ZNF827: variants seen among roughly 807,000 people sequenced by gnomAD.
ZNF827 encodes the protein zinc finger protein 827.
Under a neutral mutation model 102.4 loss-of-function variants are expected in ZNF827, and 13 were observed. That is an observed-to-expected ratio of 0.13 (90% CI 0.08 to 0.20). ZNF827 has a LOEUF of 0.20. ZNF827 is among the 10% of genes least tolerant of loss of function. The pLI is 1.00. For synonymous variants in ZNF827, 523 were observed against 536.2 expected (o/e 0.98, Z 0.34); for missense variants, 1,103 against 1,344.4 (o/e 0.82, Z 2.81).
At chr4:145,937,554 C>T (rs1407766643) in intron 1 of ZNF827, among the ~76,000 whole-genome samples, 2 of 146,972 alleles carry the variant, frequency 1.4e-5, no homozygotes, top group Non-Finnish European at 3.0e-5. Context: ...CCTCGCCCCC[C>T]GCCCGGCCGC....
intron 3 of ZNF827, 86 bp downstream of exon 3, chr4:145,892,157 G>A (rs528482203): frequency 1.1e-5 from 15 of 1,360,870 alleles, no homozygotes; most frequent in African/African-American, 8.8e-5. Context: ...GCCCTCCCTC[G>A]GCCAAGAAGC....
chr4:145,771,161 T>C (rs548842952), intron 11 of ZNF827: 22 of 152,368 alleles, frequency 1.4e-4, no homozygotes, highest in African/African-American at 5.0e-4. Context: ...GTAGTAAATA[T>C]ATTAACCTTT....
At chr4:145,868,467 C>T (rs1300451590) in intron 5 of ZNF827, among the ~76,000 whole-genome samples, 1 of 152,232 alleles carries the variant, frequency 6.6e-6, no homozygotes, top group African/African-American at 2.4e-5. Context: ...ATCCATTCAA[C>T]TATTGCTGAA....
chr4:145,850,645 G>C (rs954273119), intron 5 of ZNF827, among the ~76,000 whole-genome samples: 1 of 152,166 alleles, frequency 6.6e-6, no homozygotes, highest in East Asian at 1.9e-4. Flanking sequence ...TTGAAACAAG[G>C]TGGGACAATT....
In ZNF827 at chr4:145,938,499, G is replaced by A; in HGVS notation, c.-92C>T. 1.0e-6 allele frequency: 1 copy of A among 996,782 alleles called. No individual in the cohort carries two copies. The highest frequency in any genetic ancestry group is 1.5e-6 in the Non-Finnish European group (1 of 675,836). 61.7% of individuals were successfully genotyped at this position (996,782 alleles called of 1,614,324 possible). ...AGAGGCAGACACTGGCAGGAGCGGG[G>A]AGGTAGTTGGGGGGCGGGCGGGCGG... is the stretch of plus-strand genomic sequence containing the variant. On this transcript the variant is annotated 5_prime_UTR_variant, in exon 1 of 15. Transcript: ENST00000508784.
intron 4 of ZNF827, among the ~76,000 whole-genome samples, chr4:145,876,179 G>C (rs1311882436): frequency 6.6e-6 from 1 of 152,148 alleles, no homozygotes; most frequent in Non-Finnish European, 1.5e-5. Flanking sequence ...AGTCCTACTA[G>C]AGCCTATAAA....
intron 3 of ZNF827, among the ~76,000 whole-genome samples, chr4:145,888,677 C>T (rs571795442): frequency 1.3e-5 from 2 of 152,364 alleles, no homozygotes; most frequent in East Asian, 3.9e-4. Context: ...AGTACCCTGA[C>T]TCTCGGTCAG....
Position 145,765,229 on chromosome 4 carries a change from AG to A in ZNF827, c.3053-65del. 18 of 1,489,506 alleles carry A rather than the reference AG, an allele frequency of 1.2e-5. No individual in the cohort carries two copies. The highest frequency in any genetic ancestry group is 1.6e-5 in the Non-Finnish European group (18 of 1,112,444). 92.3% of individuals were successfully genotyped at this position (1,489,506 alleles called of 1,614,324 possible). A position where few individuals can be genotyped will look rare whatever the true frequency, so the allele number is the denominator to read the frequency against. On this transcript the variant is annotated intron_variant, in intron 12 of 14. Coordinates refer to ENST00000508784, the MANE Select transcript of ZNF827 (RefSeq NM_001306215.2). The surrounding 1 kb of genome is among the most constrained non-coding windows in gnomAD (Gnocchi z 4.7). Reference sequence around the variant, plus strand: ...AGCGGGGAGAGGAGGGCAGGAGTGGAGCCAAGCTCCTCCCCACTTCCTCCCG... The same window carrying A: ...AGCGGGGAGAGGAGGGCAGGAGTGGACCAAGCTCCTCCCCACTTCCTCCCG...
At chr4:145,863,125 GC>G in intron 5 of ZNF827, among the ~76,000 whole-genome samples, 1 of 152,260 alleles carries the variant, frequency 6.6e-6, no homozygotes, top group South Asian at 2.1e-4. Context: ...TATACAGATG[GC>G]CAATAAGCAC....
chr4:145,906,871 A>C (rs753145964), intron 1 of ZNF827, among the ~76,000 whole-genome samples: 17 of 152,244 alleles, frequency 1.1e-4, no homozygotes, highest in Non-Finnish European at 2.1e-4. Context: ...TCTGGACTGC[A>C]AGAAAACTTG....
chr4:145,907,903 A>AT (rs1185001480), intron 1 of ZNF827, among the ~76,000 whole-genome samples: 3 of 152,226 alleles, frequency 2.0e-5, no homozygotes, highest in Non-Finnish European at 4.4e-5. Flanking sequence ...TGCTGAATAA[A>AT]TTTTGTTTCC....
At chr4:145,789,544 T>C (rs1023514438) in intron 8 of ZNF827, among the ~76,000 whole-genome samples, 1 of 152,228 alleles carries the variant, frequency 6.6e-6, no homozygotes, top group African/African-American at 2.4e-5. Context: ...ATTATCATTC[T>C]TATTTTACAA....
Position 145,902,080 on chromosome 4 carries a change from A to T in ZNF827, c.1093+86T>A. The T allele has an allele frequency of 6.7e-7, 1 of 1,481,934 alleles. No homozygotes were observed. Among genetic ancestry groups the T allele is most frequent in the East Asian group, 2.3e-5 (1 of 43,344 alleles). 91.8% of individuals were successfully genotyped at this position (1,481,934 alleles called of 1,614,324 possible). ...TATTCCTGCCTCAGATCAGATGGGG[A>T]ACCCAACTGAAAAAAGCAATGAATA... is the stretch of plus-strand genomic sequence containing the variant. On this transcript the variant is annotated intron_variant, in intron 2 of 14. Transcript: ENST00000508784. The surrounding 1 kb of genome is among the most constrained non-coding windows in gnomAD (Gnocchi z 4.3).
chr4:145,935,584 GGAC>G (rs761559713), intron 1 of ZNF827, among the ~76,000 whole-genome samples: 1 of 152,112 alleles, frequency 6.6e-6, no homozygotes, highest in Non-Finnish European at 1.5e-5. Flanking sequence ...AAAACTGCAG[GGAC>G]TTTTACGGTG....
At chr4:145,875,031 GA>G (rs1749037506) in intron 4 of ZNF827, among the ~76,000 whole-genome samples, 2 of 152,182 alleles carry the variant, frequency 1.3e-5, no homozygotes, top group Non-Finnish European at 2.9e-5. Context: ...GGGATAAGAT[GA>G]TTCCAGTCTT....
chr4:145,805,853 G>A (rs950995644), intron 8 of ZNF827, among the ~76,000 whole-genome samples: 8 of 151,944 alleles, frequency 5.3e-5, no homozygotes, highest in Non-Finnish European at 1.2e-4. Context: ...TCTTCCCCAC[G>A]AGGCAATACA....
At chr4:145,860,862 C>CAT (rs1277628524) in intron 5 of ZNF827, among the ~76,000 whole-genome samples, 1 of 152,180 alleles carries the variant, frequency 6.6e-6, no homozygotes, top group Non-Finnish European at 1.5e-5. Context: ...TCCTAAAAGC[C>CAT]ATAAGAGAAA....
At chr4:145,768,864 A>C (rs1735745162) in intron 11 of ZNF827, among the ~76,000 whole-genome samples, 1 of 17,290 alleles carries the variant, frequency 5.8e-5, no homozygotes, top group Non-Finnish European at 1.2e-4. Flanking sequence ...GTCTCAAAAA[A>C]AAAAAAAAAA....
chr4:145,936,539 C>A (rs1195290497), intron 1 of ZNF827, among the ~76,000 whole-genome samples: 1 of 152,088 alleles, frequency 6.6e-6, no homozygotes, highest in Non-Finnish European at 1.5e-5. Context: ...GGAATGTTTG[C>A]GGAGCGGACT....
Sources: gnomAD v4.1 joint callset for allele counts (sites outside exome capture counted in the v4.1 genomes callset) on GRCh38, gnomAD v4.1.1 for gene constraint, Gnocchi (gnomAD v3.1) non-coding constraint, MANE v1.5 for transcripts, NCBI Gene and HGNC (gene_info 2026-07-23, HGNC 2026-07-21) for gene names.